LRIG3: variants seen among roughly 807,000 people sequenced by gnomAD.
The protein encoded by LRIG3 is leucine rich repeats and immunoglobulin like domains 3.
Under a neutral mutation model 114.5 loss-of-function variants are expected in LRIG3, and 76 were observed. That is an observed-to-expected ratio of 0.66 (90% CI 0.55 to 0.80). The LOEUF (loss-of-function observed/expected upper bound fraction) is 0.80, where lower values mean the gene tolerates loss of function less well. Among genes scored for constraint, LRIG3 ranks in the 30% least tolerant of loss-of-function variants. The pLI, the probability that LRIG3 is intolerant of heterozygous loss-of-function variation, is 0.00. For missense variants in LRIG3, 1,239 were observed against 1,382.8 expected (o/e 0.90, Z 1.65); for synonymous variants, 512 against 519.8 (o/e 0.98, Z 0.20).
intron 3 of LRIG3, among the ~76,000 whole-genome samples, chr12:58,898,266 T>C (rs534434409): frequency 6.6e-6 from 1 of 152,334 alleles, no homozygotes; most frequent in African/African-American, 2.4e-5. Context: ...TACTACGTTT[T>C]TGTGAACCTT....
chr12:58,913,947 A>AG lies in LRIG3; in HGVS notation c.383+34_383+35insC, dbSNP rs771364887. On this transcript the variant is annotated intron_variant, in intron 3 of 18. Coordinates refer to ENST00000320743, the MANE Select transcript of LRIG3 (RefSeq NM_153377.5). ...GGAACTCCCACTCAAGGTTCCTGCA[A>AG]ACATACATGAGGAATTCTGCTGATA... 2.3e-4 allele frequency: 367 copies of AG among 1,578,538 alleles called. 1 individual carries two copies. Among genetic ancestry groups the AG allele is most frequent in the Non-Finnish European group, 3.1e-4 (357 of 1,157,456 alleles).
intron 16 of LRIG3, among the ~76,000 whole-genome samples, chr12:58,875,545 G>A (rs1006379599): frequency 1.3e-5 from 2 of 152,186 alleles, no homozygotes; most frequent in African/African-American, 4.8e-5. Flanking sequence ...TCCACTTGCT[G>A]AGCCCTTAAT....
In LRIG3 at chr12:58,886,815, C is replaced by T. The variant is rs1361593045; in HGVS notation, c.1167G>A (p.Arg389=). 6.2e-7 allele frequency: 1 copy of T among 1,613,240 alleles called. No homozygotes were observed. Among genetic ancestry groups the T allele is most frequent in the Non-Finnish European group, 8.5e-7 (1 of 1,179,500 alleles). ...NGAFSGLDKL[R]RLILQGNRIR... ...ATGAGGCAATTCATACTCACAGTCGCCTCAGTTTGTCAAGCCCAGAGAAAG... is the reference window on the plus strand; with the variant it reads ...ATGAGGCAATTCATACTCACAGTCGTCTCAGTTTGTCAAGCCCAGAGAAAG... The change falls in exon 9 of 19, where the codon AGG becomes AGA. Residue 389 remains arginine (R), a synonymous_variant. Coordinates refer to ENST00000320743, the MANE Select transcript of LRIG3 (RefSeq NM_153377.5).
chr12:58,873,791 A>G (rs1452695085), intron 18 of LRIG3: 4 of 522,226 alleles, frequency 7.7e-6, no homozygotes, highest in Non-Finnish European at 1.4e-5. Flanking sequence ...GTCCTCCCCA[A>G]ACCCTTGTCT....
At chr12:58,911,386 G>T (rs1872269611) in intron 3 of LRIG3, among the ~76,000 whole-genome samples, 1 of 152,202 alleles carries the variant, frequency 6.6e-6, no homozygotes, top group African/African-American at 2.4e-5. Context: ...TCATGGCACA[G>T]AGTAGAAAGA....
Position 58,877,421 on chromosome 12 carries a change from C to T in LRIG3, c.2515G>A (p.Asp839Asn). ...IIYHTRRRNE[D>N]CSITNTDETN... is the part of the protein sequence containing the mutation. ...ACACCTGTGTTGGTAATGCTGCAAT[C>T]TTCATTCCTCCGCCTTGTGTGGTAT... Residue 839 changes from aspartate to asparagine, a missense_variant, in exon 15 of 19, where the codon GAT becomes AAT. Transcript: ENST00000320743. 6.2e-7 allele frequency: 1 copy of T among 1,613,994 alleles called. No individual in the cohort carries two copies. Among genetic ancestry groups the T allele is most frequent in the Non-Finnish European group, 8.5e-7 (1 of 1,179,886 alleles).
At chr12:58,878,796 A>G in intron 14 of LRIG3, 28 bp downstream of exon 14, 1 of 1,597,322 alleles carries the variant, frequency 6.3e-7, no homozygotes, top group Non-Finnish European at 8.5e-7. Flanking sequence ...ACTGATTTAT[A>G]CTACAGAATC....
rs369892401 is a variant in LRIG3, at chr12:58,890,812, A to G, written c.384-16T>C. The G allele has an allele frequency of 3.3e-5, 53 of 1,595,682 alleles. No homozygotes were observed. Among genetic ancestry groups the G allele is most frequent in the Middle Eastern group, 3.3e-4 (2 of 6,004 alleles). On this transcript the variant is annotated splice_polypyrimidine_tract_variant and intron_variant, in intron 3 of 18. Transcript: ENST00000320743. The stretch of plus-strand genomic sequence containing the variant: ...GTTTCCAGCCCTAGAATTAAAAGAA[A>G]CCACAGTTAACAAGGTTAACGGTAC...
chr12:58,882,736 C>A, intron 12 of LRIG3, 133 bp downstream of exon 12: 2 of 901,098 alleles, frequency 2.2e-6, no homozygotes, highest in East Asian at 5.6e-5. Context: ...AACTATAGAC[C>A]CATTTTCCTC....
intron 8 of LRIG3, 91 bp downstream of exon 8, chr12:58,887,698 C>A: frequency 1.4e-6 from 2 of 1,404,012 alleles, no homozygotes; most frequent in Non-Finnish European, 2.0e-6. Flanking sequence ...GTATGCATTT[C>A]CTTGACAACA....
At chr12:58,889,044 A>T (rs1871368120) in intron 5 of LRIG3, 82 bp from the exon 6 acceptor site, 2 of 1,295,532 alleles carry the variant, frequency 1.5e-6, no homozygotes, top group African/African-American at 3.0e-5. Flanking sequence ...ACTACAATAT[A>T]GTTCAACCAG....
chr12:58,912,925 CCTTT>C (rs898493484), intron 3 of LRIG3, among the ~76,000 whole-genome samples: 4 of 152,176 alleles, frequency 2.6e-5, no homozygotes, highest in African/African-American at 9.7e-5. Context: ...TTCTTTCACT[CCTTT>C]CTGTTTCTGA....
Position 58,882,922 on chromosome 12 carries a change from T to C in LRIG3, c.1427A>G (p.Gln476Arg), listed in dbSNP as rs777155305. The C allele has an allele frequency of 1.2e-6, 2 of 1,614,076 alleles. No homozygotes were observed. Among genetic ancestry groups the C allele is most frequent in the South Asian group, 2.2e-5 (2 of 91,092 alleles). The change falls in exon 12 of 19, where the codon CAG becomes CGG. Residue 476 changes from glutamine to arginine, a missense_variant. Coordinates refer to ENST00000320743, the MANE Select transcript of LRIG3 (RefSeq NM_153377.5). ...AAAAATGCTTCTTCCTTTTAGCAGC[T>C]GAGGATGGGCACAACTGGCATTTAC... ...SFVNASCAHP[Q>R]LLKGRSIFAV...
At chr12:58,886,950 C>G in intron 8 of LRIG3, 60 bp from the exon 9 acceptor site, 1 of 1,282,754 alleles carries the variant, frequency 7.8e-7, no homozygotes, top group Non-Finnish European at 1.1e-6. Flanking sequence ...AGTATCACCA[C>G]CCAGGTGGCA....
At chr12:58,905,248 T>C (rs2120960845) in intron 3 of LRIG3, among the ~76,000 whole-genome samples, 1 of 152,298 alleles carries the variant, frequency 6.6e-6, no homozygotes, top group Non-Finnish European at 1.5e-5. Context: ...AATACAGTCA[T>C]TCTAAATTGA....
At chr12:58,885,628 C>T (rs1481360918) in intron 10 of LRIG3, among the ~76,000 whole-genome samples, 1 of 151,850 alleles carries the variant, frequency 6.6e-6, no homozygotes, top group Non-Finnish European at 1.5e-5. Context: ...GGAAAGCATA[C>T]ACCTGTATAC....
intron 3 of LRIG3, among the ~76,000 whole-genome samples, chr12:58,899,087 A>T (rs933011399): frequency 6.6e-6 from 1 of 152,248 alleles, no homozygotes; most frequent in African/African-American, 2.4e-5. Context: ...GGCTTCTGGA[A>T]GACCAGATTG....
At chr12:58,886,763 T>A in intron 9 of LRIG3, 47 bp downstream of exon 9, 1 of 1,556,538 alleles carries the variant, frequency 6.4e-7, no homozygotes, top group East Asian at 2.2e-5. Context: ...GAAGACAAAA[T>A]TTTTAAATCA....
chr12:58,903,159 A>G (rs1871929815), intron 3 of LRIG3, among the ~76,000 whole-genome samples: 1 of 152,192 alleles, frequency 6.6e-6, no homozygotes, highest in African/African-American at 2.4e-5. Context: ...GACTTCCACT[A>G]GAGTTGAACT....
Sources: allele counts gnomAD v4.1 joint callset (sites outside exome capture counted in the v4.1 genomes callset), GRCh38; gene constraint gnomAD v4.1.1; transcripts MANE v1.5; gene names NCBI Gene and HGNC (gene_info 2026-07-23, HGNC 2026-07-21).